TNNI1: variants seen among roughly 807,000 people sequenced by gnomAD.
The protein encoded by TNNI1 is troponin I1, slow skeletal type.
In TNNI1, 14 loss-of-function variants were observed where a neutral mutation model predicts 26.7. The observed-to-expected ratio is 0.52, with a 90% CI of 0.35 to 0.82. The LOEUF (loss-of-function observed/expected upper bound fraction) is 0.82, where lower values mean the gene tolerates loss of function less well. Among genes scored for constraint, TNNI1 ranks in the 40% least tolerant of loss-of-function variants. TNNI1 has a pLI of 0.01. For missense variants in TNNI1, 164 were observed against 257.0 expected (o/e 0.64, Z 2.47); for synonymous variants, 79 against 98.2 (o/e 0.80, Z 1.16).
chr1:201,417,468 A>G (rs932094433), intron 2 of TNNI1, among the ~76,000 whole-genome samples: 2 of 152,156 alleles, frequency 1.3e-5, no homozygotes, highest in Non-Finnish European at 2.9e-5. Flanking sequence ...AAATTCCCAA[A>G]GCTTTGTTCA....
chr1:201,410,185 C>T, intron 8 of TNNI1, 141 bp downstream of exon 8: 2 of 672,522 alleles, frequency 3.0e-6, no homozygotes, highest in South Asian at 3.8e-5. Flanking sequence ...CCCAGGAGAG[C>T]CGACTCAAAT....
intron 3 of TNNI1, 58 bp from the exon 4 acceptor site, chr1:201,415,312 C>A: frequency 6.3e-7 from 1 of 1,580,000 alleles, no homozygotes; most frequent in South Asian, 1.1e-5. Context: ...AACTGGAATT[C>A]TGGTCTAGGA....
intron 4 of TNNI1, 34 bp from the exon 5 acceptor site, chr1:201,414,683 C>T: frequency 2.5e-6 from 4 of 1,601,636 alleles, no homozygotes; most frequent in South Asian, 1.1e-5. Context: ...CTGGGGGCCT[C>T]ACATCTCCCA....
At chr1:201,417,849 G>A in intron 1 of TNNI1, 37 bp from the exon 2 acceptor site, 1 of 1,307,618 alleles carries the variant, frequency 7.6e-7, no homozygotes, top group Non-Finnish European at 9.8e-7. Context: ...AAGGGAAAGT[G>A]GAAACCCCTG....
At position 201,411,992 on chromosome 1, in the gene TNNI1, T is replaced by C. The variant is rs1051632185; in HGVS notation, c.280-459A>G. Among the ~76,000 whole-genome samples, 3 of 152,104 alleles carry C rather than the reference T, an allele frequency of 2.0e-5. No homozygotes were observed. Among genetic ancestry groups the C allele is most frequent in the South Asian group, 2.1e-4 (1 of 4,816 alleles). Reference sequence around the variant, plus strand: ...CAGGTACTGGTCCACAGCCCAAGAGTTGGAGATCCCTGCTCTAGGACAGTC... The same window carrying C: ...CAGGTACTGGTCCACAGCCCAAGAGCTGGAGATCCCTGCTCTAGGACAGTC... On this transcript the variant is annotated intron_variant, in intron 6 of 8. Transcript: ENST00000361379. This position sits in a 1 kb window ranked among gnomAD's most constrained non-coding sequence, Gnocchi z 4.6.
At chr1:201,409,501 G>A (rs897948695) in intron 8 of TNNI1, among the ~76,000 whole-genome samples, 1 of 152,170 alleles carries the variant, frequency 6.6e-6, no homozygotes, top group African/African-American at 2.4e-5. Context: ...GCCTTGCCAT[G>A]CTACTCTGTG....
intron 1 of TNNI1, among the ~76,000 whole-genome samples, chr1:201,421,195 C>T (rs1223605198): frequency 6.6e-6 from 1 of 152,188 alleles, no homozygotes; most frequent in Non-Finnish European, 1.5e-5. Context: ...CAGCAGGGAG[C>T]TCTGGCCCTG....
intron 1 of TNNI1, among the ~76,000 whole-genome samples, chr1:201,420,329 C>A (rs1662831740): frequency 6.6e-6 from 1 of 152,218 alleles, no homozygotes; most frequent in Non-Finnish European, 1.5e-5. Flanking sequence ...CAAGCGAGGA[C>A]TGATAAGTCA....
intron 1 of TNNI1, among the ~76,000 whole-genome samples, chr1:201,421,329 G>A (rs556116148): frequency 7.3e-4 from 111 of 152,148 alleles, no homozygotes; most frequent in Non-Finnish European, 1.3e-3. Context: ...CCCTGGGTGC[G>A]CTCTCCCTCC....
chr1:201,419,571 G>A (rs1441460849), intron 1 of TNNI1, among the ~76,000 whole-genome samples: 1 of 152,178 alleles, frequency 6.6e-6, no homozygotes, highest in East Asian at 1.9e-4. Flanking sequence ...GGGAAGTGGG[G>A]AATTAAAAGA....
At chr1:201,419,801 G>A (rs1662823360) in intron 1 of TNNI1, among the ~76,000 whole-genome samples, 3 of 152,220 alleles carry the variant, frequency 2.0e-5, no homozygotes, top group Non-Finnish European at 1.5e-5. Context: ...TGGAGGAGGT[G>A]GAGGTGTAGT....
chr1:201,410,530 T>C (rs1344613639), intron 7 of TNNI1, 95 bp from the exon 8 acceptor site: 4 of 1,081,938 alleles, frequency 3.7e-6, no homozygotes, highest in African/African-American at 1.6e-5. Context: ...TCTCCTCGGA[T>C]GATAAGAAAT....
At chr1:201,412,900 ACCAAAGTTT>A in intron 6 of TNNI1, 123 bp downstream of exon 6, 1 of 876,626 alleles carries the variant, frequency 1.1e-6, no homozygotes, top group Non-Finnish European at 1.9e-6. Context: ...GGGCAGACAA[ACCAAAGTTT>A]CCTGCTTAAG....
intron 5 of TNNI1, among the ~76,000 whole-genome samples, chr1:201,414,206 G>A (rs765984191): frequency 1.8e-4 from 28 of 152,306 alleles, no homozygotes; most frequent in Admixed American, 3.3e-4. Context: ...CCTTGGAAAA[G>A]TGGGGCTTCT....
intron 5 of TNNI1, among the ~76,000 whole-genome samples, chr1:201,413,947 T>G (rs1309797415): frequency 6.6e-6 from 1 of 152,198 alleles, no homozygotes; most frequent in Non-Finnish European, 1.5e-5. Context: ...CATGAGCCAC[T>G]GTGCCCAGCA....
At chr1:201,420,249 T>C (rs1048723384) in intron 1 of TNNI1, among the ~76,000 whole-genome samples, 1 of 152,232 alleles carries the variant, frequency 6.6e-6, no homozygotes, top group Non-Finnish European at 1.5e-5. Context: ...GGGTCCCACG[T>C]CAGGCAAGAG....
intron 8 of TNNI1, 78 bp downstream of exon 8, chr1:201,410,248 C>T: frequency 7.6e-7 from 1 of 1,311,734 alleles, no homozygotes; most frequent in Non-Finnish European, 1.1e-6. Flanking sequence ...TAAGTACAAC[C>T]CGCCTGCCCA....
intron 1 of TNNI1, 142 bp from the exon 2 acceptor site, chr1:201,417,954 A>C: frequency 2.0e-6 from 1 of 512,104 alleles, no homozygotes; most frequent in East Asian, 4.3e-5. Flanking sequence ...GCAGGTCAAG[A>C]TGGGACAGGG....
At chr1:201,421,232 G>A (rs1306167939) in intron 1 of TNNI1, among the ~76,000 whole-genome samples, 10 of 152,124 alleles carry the variant, frequency 6.6e-5, no homozygotes, top group Non-Finnish European at 1.3e-4. Context: ...GGAGTCCTGC[G>A]CGTCAGGCAC....
Sources: allele counts gnomAD v4.1 joint callset (sites outside exome capture counted in the v4.1 genomes callset), GRCh38; gene constraint gnomAD v4.1.1; non-coding constraint Gnocchi (gnomAD v3.1); transcripts MANE v1.5; gene names NCBI Gene and HGNC (gene_info 2026-07-23, HGNC 2026-07-21).